Variants in PLA2G4C observed in about 807,000 individuals in gnomAD.
The protein encoded by PLA2G4C is cytosolic phospholipase A2 gamma.
In PLA2G4C, 64 loss-of-function variants were observed where a neutral mutation model predicts 73.8. That is an observed-to-expected ratio of 0.87 (90% CI 0.71 to 1.07). The LOEUF is 1.07. Among genes scored for constraint, PLA2G4C ranks in the 50% least tolerant of loss-of-function variants. The pLI is 0.00. For synonymous variants in PLA2G4C, 254 were observed against 252.1 expected (o/e 1.01, Z -0.07); for missense variants, 622 against 665.4 (o/e 0.93, Z 0.72).
At position 48,104,616 on chromosome 19, in the gene PLA2G4C, A is replaced by G. The variant is rs1159467616; in HGVS notation, c.229T>C (p.Tyr77His). The change falls in exon 4 of 17, where the codon TAC (tyrosine) becomes CAC (histidine). Residue 77 changes from tyrosine (Y) to histidine (H), a missense_variant. Tyr to His is a moderately conservative substitution (Grantham distance 83). Coordinates refer to ENST00000599921, the MANE Select transcript of PLA2G4C (RefSeq NM_003706.3). ...KEQGLLDAVT[Y>H]LAGVSGSTWA... is the part of the protein sequence containing the mutation. ...GTGGATCCAGAGACCCCTGCGAGGTACGTGACGGCATCCAACAGGCCCTGT... is the reference window on the plus strand; with the variant it reads ...GTGGATCCAGAGACCCCTGCGAGGTGCGTGACGGCATCCAACAGGCCCTGT... 3 of 1,614,150 alleles carry G rather than the reference A, an allele frequency of 1.9e-6. No homozygotes were observed. Among genetic ancestry groups the G allele is most frequent in the Non-Finnish European group, 2.5e-6 (3 of 1,179,982 alleles).
At chr19:48,058,586 G>C (rs937315100) in intron 14 of PLA2G4C, among the ~76,000 whole-genome samples, 3 of 152,154 alleles carry the variant, frequency 2.0e-5, no homozygotes, top group African/African-American at 7.2e-5. Context: ...GGAAGGCTGA[G>C]GTGGGCGGAT....
At chr19:48,100,792 T>C (rs1414790863) in intron 4 of PLA2G4C, among the ~76,000 whole-genome samples, 1 of 148,152 alleles carries the variant, frequency 6.7e-6, no homozygotes, top group Non-Finnish European at 1.5e-5. Context: ...CCAGCTACTA[T>C]AGTCCTAGCT....
intron 16 of PLA2G4C, among the ~76,000 whole-genome samples, chr19:48,050,627 C>T (rs890009185): frequency 4.0e-5 from 6 of 150,408 alleles, no homozygotes; most frequent in African/African-American, 1.5e-4. Context: ...AATAATGTCT[C>T]CTAATGATGT....
At chr19:48,056,582 C>T (rs1231125576) in intron 14 of PLA2G4C, among the ~76,000 whole-genome samples, 1 of 151,152 alleles carries the variant, frequency 6.6e-6, no homozygotes, top group Non-Finnish European at 1.5e-5. Context: ...CCTATAATCC[C>T]AGCACTTTGG....
chr19:48,055,305 T>G (rs1967896151), intron 14 of PLA2G4C, among the ~76,000 whole-genome samples: 1 of 151,080 alleles, frequency 6.6e-6, no homozygotes, highest in Non-Finnish European at 1.5e-5. Flanking sequence ...GCTGCGGGAC[T>G]CAGAGGGCAA....
At chr19:48,105,904 TCCC>T (rs1568457317) in intron 2 of PLA2G4C, among the ~76,000 whole-genome samples, 81 of 3,068 alleles carry the variant, frequency 0.026, 18 homozygotes, top group African/African-American at 0.18. Flanking sequence ...CCTCCCTCCC[TCCC>T]TCCCTCCCTC....
Position 48,055,012 on chromosome 19 carries a change from T to C in PLA2G4C, c.1295A>G (p.Lys432Arg). 2 of 1,613,026 alleles carry C rather than the reference T, an allele frequency of 1.2e-6. No individual in the cohort carries two copies. Among genetic ancestry groups the C allele is most frequent in the Non-Finnish European group, 8.5e-7 (1 of 1,179,764 alleles). The part of the protein sequence containing the change: ...RATTDYCRRH[K>R]IPFPQVEEAE... ...CTCTTCTACTTGGGGAAAGGGGATC[T>C]TGTGGCGGCGGCAGTAGTCAGTGGT... The change falls in exon 15 of 17, where the codon AAG becomes AGG. Residue 432 changes from lysine to arginine, a missense_variant. Coordinates refer to ENST00000599921, the MANE Select transcript of PLA2G4C (RefSeq NM_003706.3).
At chr19:48,105,941 C>CTTTCTTTCTTTCTTTCTTT (rs2032200950) in intron 2 of PLA2G4C, among the ~76,000 whole-genome samples, 2 of 9,898 alleles carry the variant, frequency 2.0e-4, no homozygotes, top group Non-Finnish European at 1.5e-4. Context: ...CTCCCTCCCT[C>CTTTCTTTCTTTCTTTCTTT]CCTCCCTTCT....
chr19:48,048,293 G>A lies in PLA2G4C; in HGVS notation c.*50C>T. 6.8e-7 allele frequency: 1 copy of A among 1,469,410 alleles called. No homozygotes were observed. The highest frequency in any genetic ancestry group is 9.4e-7 in the Non-Finnish European group (1 of 1,065,838). The allele number at this position is 1,469,410 out of a possible 1,614,324, so 91.0% of individuals were successfully genotyped here. A position where few individuals can be genotyped will look rare whatever the true frequency, so the allele number is the denominator to read the frequency against. On this transcript the variant is annotated 3_prime_UTR_variant, in exon 17 of 17. Transcript: ENST00000599921. ...GAACAGGAAGGCCAGGTGGACATCAGGGCCCTAGTAGACCAACAGGCCCAC... is the reference window on the plus strand; with the variant it reads ...GAACAGGAAGGCCAGGTGGACATCAAGGCCCTAGTAGACCAACAGGCCCAC...
intron 13 of PLA2G4C, among the ~76,000 whole-genome samples, chr19:48,064,555 T>C (rs1600172666): frequency 6.6e-6 from 1 of 152,236 alleles, no homozygotes; most frequent in South Asian, 2.1e-4. Context: ...TTCCTGGGTC[T>C]GAGTCTGTTT....
intron 3 of PLA2G4C, 42 bp from the exon 4 acceptor site, chr19:48,104,766 AG>A (rs1568455976): frequency 6.2e-7 from 1 of 1,604,170 alleles, no homozygotes; most frequent in South Asian, 1.1e-5. Context: ...TTAGAGCCTG[AG>A]GATGGAGGTG....
At chr19:48,093,007 T>G (rs113661622) in intron 7 of PLA2G4C, among the ~76,000 whole-genome samples, 1 of 152,088 alleles carries the variant, frequency 6.6e-6, no homozygotes, top group African/African-American at 2.4e-5. Flanking sequence ...CTTCAGTAGG[T>G]GATACATACA....
At chr19:48,092,984 A>G (rs906884006) in intron 7 of PLA2G4C, among the ~76,000 whole-genome samples, 1 of 152,192 alleles carries the variant, frequency 6.6e-6, no homozygotes, top group African/African-American at 2.4e-5. Flanking sequence ...GATAAAATAC[A>G]CGTACAGAAT....
At chr19:48,055,311 G>A (rs559904567) in intron 14 of PLA2G4C, among the ~76,000 whole-genome samples, 5 of 150,828 alleles carry the variant, frequency 3.3e-5, no homozygotes, top group African/African-American at 1.2e-4. Context: ...GGACTCAGAG[G>A]GCAAGGAAAA....
intron 16 of PLA2G4C, among the ~76,000 whole-genome samples, chr19:48,048,819 C>T (rs967542): frequency 0.73 from 111,386 of 152,052 alleles, 43,948 homozygotes; most frequent in Non-Finnish European, 0.86. Flanking sequence ...AAATTCGTCC[C>T]CTCCAAATCT....
intron 14 of PLA2G4C, among the ~76,000 whole-genome samples, chr19:48,056,006 TTAAA>T (rs1173754540): frequency 6.6e-6 from 1 of 152,126 alleles, no homozygotes; most frequent in Non-Finnish European, 1.5e-5. Context: ...AAAATAAATA[TTAAA>T]TAAAGGTGAC....
rs755041817 is a variant in PLA2G4C, at chr19:48,053,092, G to A, written c.1485C>T (p.Tyr495=). ...TYDTFKLADT[Y]TLDVVVLLLA... is the part of the protein sequence containing the mutation. ...AGAGTAGCACCACCACATCTAGAGT[G>A]TAGGTGTCAGCAAGCTTGAATGTGT... is the stretch of plus-strand genomic sequence containing the variant. The change falls in exon 16 of 17, where the codon TAC becomes TAT. Residue 495 remains tyrosine (Y), a synonymous_variant. Transcript: ENST00000599921. 2 of 1,611,800 alleles carry A rather than the reference G, an allele frequency of 1.2e-6. No homozygotes were observed. Among genetic ancestry groups the A allele is most frequent in the African/African-American group, 1.3e-5 (1 of 74,902 alleles).
intron 4 of PLA2G4C, among the ~76,000 whole-genome samples, chr19:48,101,122 A>ATTT (rs1301166875): frequency 7.5e-5 from 5 of 66,548 alleles, no homozygotes; most frequent in African/African-American, 4.0e-4. Flanking sequence ...ATATATATAT[A>ATTT]TATATTTTTT....
At chr19:48,070,408 C>A in intron 12 of PLA2G4C, among the ~76,000 whole-genome samples, 1 of 152,194 alleles carries the variant, frequency 6.6e-6, no homozygotes, top group East Asian at 1.9e-4. Context: ...AATTCTACCT[C>A]CAGACTGGAG....
Sources: gnomAD v4.1 joint callset for allele counts (sites outside exome capture counted in the v4.1 genomes callset) on GRCh38, gnomAD v4.1.1 for gene constraint, MANE v1.5 for transcripts, NCBI Gene and HGNC (gene_info 2026-07-23, HGNC 2026-07-21) for gene names.